Variants in CSMD1 observed in about 807,000 individuals in gnomAD.
The protein encoded by CSMD1 is CUB and sushi domain-containing protein 1.
In CSMD1, 213 loss-of-function variants were observed where a neutral mutation model predicts 417.5. The observed-to-expected ratio is 0.51, with a 90% CI of 0.46 to 0.57. CSMD1 has a LOEUF of 0.57. CSMD1 is among the 20% of genes least tolerant of loss of function. The pLI is 0.00. For missense variants in CSMD1, 6,923 were observed against 4,529.7 expected, an observed-to-expected ratio of 1.53 and a Z score of -15.17; for synonymous variants, 2,862 against 1,736.8, an observed-to-expected ratio of 1.65 and a Z score of -16.11.
At chr8:3,910,331 A>C (rs1808382885) in intron 5 of CSMD1, among the ~76,000 whole-genome samples, 1 of 152,166 alleles carries the variant, frequency 6.6e-6, no homozygotes, top group African/African-American at 2.4e-5. Flanking sequence ...GTGTCCTGCA[A>C]ACTGACGACA....
intron 1 of CSMD1, among the ~76,000 whole-genome samples, chr8:4,900,756 T>A (rs1056982575): frequency 6.6e-6 from 1 of 152,204 alleles, no homozygotes; most frequent in Non-Finnish European, 1.5e-5. Flanking sequence ...CATTTTCAGC[T>A]CAGAATCACA....
chr8:3,296,808 G>A (rs1331388626), intron 25 of CSMD1, among the ~76,000 whole-genome samples: 9 of 152,148 alleles, frequency 5.9e-5, no homozygotes, highest in Admixed American at 5.9e-4. Flanking sequence ...AAACGGTGCA[G>A]TATGTTTATG....
chr8:3,854,904 C>G (rs1040913825), intron 5 of CSMD1, among the ~76,000 whole-genome samples: 38 of 152,120 alleles, frequency 2.5e-4, no homozygotes, highest in African/African-American at 8.7e-4. Flanking sequence ...AATTCACTCG[C>G]AAAGCATTTC....
intron 5 of CSMD1, among the ~76,000 whole-genome samples, chr8:3,815,826 C>T (rs1365950884): frequency 6.6e-6 from 1 of 152,006 alleles, no homozygotes; most frequent in African/African-American, 2.4e-5. Flanking sequence ...AAATTCTAGC[C>T]TTTGAATCCC....
rs1804979113 is a variant in CSMD1 at position 3,307,636 on chromosome 8, A to G, written c.3950+59T>C. 5 of 1,543,270 alleles carry G rather than the reference A, an allele frequency of 3.2e-6. No individual in the cohort carries two copies. The East Asian group carries it at 9.0e-5, about 28-fold the overall frequency. On this transcript the variant is annotated intron_variant, in intron 25 of 69. Coordinates refer to ENST00000635120, the MANE Select transcript of CSMD1 (RefSeq NM_033225.6). ...TATTTGGTGTACCACTATCTCTGCT[A>G]CAAGAATAGAAGGCATATCTCTTTT...
rs77877993 is a variant in CSMD1 at position 4,211,961 on chromosome 8, G to C, written c.416-179862C>G. Among the ~76,000 whole-genome samples the C allele has an allele frequency of 4.1e-3, 621 of 152,146 alleles. 5 individuals carry two copies. Among genetic ancestry groups the C allele is most frequent in the South Asian group, 0.011 (52 of 4,818 alleles). ...TAAAGTCAACTGTATTCCTATCTTAGAGACATTTTTAGCAGTATGTCTTCT... is the reference window on the plus strand; with the variant it reads ...TAAAGTCAACTGTATTCCTATCTTACAGACATTTTTAGCAGTATGTCTTCT... On this transcript the variant is annotated intron_variant, in intron 3 of 69. Transcript: ENST00000635120.
intron 3 of CSMD1, among the ~76,000 whole-genome samples, chr8:4,155,289 G>C (rs1371470185): frequency 6.6e-6 from 1 of 152,126 alleles, no homozygotes; most frequent in South Asian, 2.1e-4. Flanking sequence ...TTAGGGGGTG[G>C]AGCAGCAAGA....
chr8:3,563,946 A>T (rs1463907724), intron 10 of CSMD1, among the ~76,000 whole-genome samples: 1 of 152,130 alleles, frequency 6.6e-6, no homozygotes, highest in African/African-American at 2.4e-5. Flanking sequence ...TTTCATGAAT[A>T]CTAATGTTCA....
chr8:3,539,656 G>A (rs958542146), intron 10 of CSMD1, among the ~76,000 whole-genome samples: 2 of 151,936 alleles, frequency 1.3e-5, no homozygotes, highest in Admixed American at 1.3e-4. Context: ...TCACTGTTGG[G>A]TGACCTTGTC....
At chr8:4,457,055 T>G (rs750853436) in intron 2 of CSMD1, among the ~76,000 whole-genome samples, 7 of 151,782 alleles carry the variant, frequency 4.6e-5, no homozygotes, top group Non-Finnish European at 1.0e-4. Context: ...CTCAGAGAAT[T>G]AAGCCCCATA....
chr8:3,336,944 C>A, intron 23 of CSMD1, among the ~76,000 whole-genome samples: 1 of 152,136 alleles, frequency 6.6e-6, no homozygotes, highest in East Asian at 1.9e-4. Context: ...TAAAAAAAGT[C>A]AGTTAGTTCT....
At chr8:3,863,736 C>A (rs1804889371) in intron 5 of CSMD1, among the ~76,000 whole-genome samples, 1 of 152,102 alleles carries the variant, frequency 6.6e-6, no homozygotes, top group Admixed American at 6.5e-5. Context: ...ATTTTGTTTT[C>A]ATTTCAAATG....
intron 54 of CSMD1, among the ~76,000 whole-genome samples, chr8:2,982,664 T>A (rs906495387): frequency 2.0e-5 from 3 of 152,234 alleles, no homozygotes; most frequent in Non-Finnish European, 4.4e-5. Flanking sequence ...CTCCAGGAGC[T>A]GCCCTGTCCT....
intron 4 of CSMD1, among the ~76,000 whole-genome samples, chr8:4,005,442 G>C (rs904316676): frequency 6.6e-6 from 1 of 152,142 alleles, no homozygotes; most frequent in Admixed American, 6.5e-5. Context: ...GTGCTTTGCA[G>C]GGCCACTGTC....
At chr8:3,383,283 C>G (rs1810758412) in intron 18 of CSMD1, among the ~76,000 whole-genome samples, 1 of 152,190 alleles carries the variant, frequency 6.6e-6, no homozygotes, top group Non-Finnish European at 1.5e-5. Context: ...TTCAGTCACA[C>G]CTCAATAAAG....
chr8:3,851,264 G>A (rs1292450564), intron 5 of CSMD1, among the ~76,000 whole-genome samples: 1 of 152,150 alleles, frequency 6.6e-6, no homozygotes, highest in African/African-American at 2.4e-5. Context: ...TGCATATCAG[G>A]GCAACACAAA....
intron 3 of CSMD1, among the ~76,000 whole-genome samples, chr8:4,321,167 C>A (rs1475195958): frequency 6.6e-6 from 1 of 151,798 alleles, no homozygotes; most frequent in East Asian, 1.9e-4. Flanking sequence ...CCTGTCACCT[C>A]GCACAGTGAT....
At chr8:4,479,067 T>C (rs1800951390) in intron 2 of CSMD1, among the ~76,000 whole-genome samples, 1 of 152,174 alleles carries the variant, frequency 6.6e-6, no homozygotes, top group Non-Finnish European at 1.5e-5. Context: ...GCTATTCAAA[T>C]GTTTACGTGT....
intron 2 of CSMD1, among the ~76,000 whole-genome samples, chr8:4,433,428 T>G (rs1797980272): frequency 6.6e-6 from 1 of 152,078 alleles, no homozygotes. Flanking sequence ...GAACCAGGAA[T>G]AGGGCACATT....
Sources: allele counts gnomAD v4.1 joint callset (sites outside exome capture counted in the v4.1 genomes callset), GRCh38; gene constraint gnomAD v4.1.1; transcripts MANE v1.5; gene names NCBI Gene and HGNC (gene_info 2026-07-23, HGNC 2026-07-21).